LRRTM4: variants seen among roughly 807,000 people sequenced by gnomAD.
The protein encoded by LRRTM4 is leucine-rich repeat transmembrane neuronal protein 4.
A neutral mutation model predicts 47.6 loss-of-function variants in LRRTM4; 25 were observed. The observed-to-expected ratio is 0.53, with a 90% CI of 0.38 to 0.73. The LOEUF is 0.73. LRRTM4 is among the 30% of genes least tolerant of loss of function. The pLI, the probability that LRRTM4 is intolerant of heterozygous loss-of-function variation, is 0.00. For missense variants in LRRTM4, 638 were observed against 713.4 expected, an observed-to-expected ratio of 0.89 and a Z score of 1.20; for synonymous variants, 311 against 269.5, an observed-to-expected ratio of 1.15 and a Z score of -1.51.
At chr2:76,882,584 G>T (rs541861264) in intron 3 of LRRTM4, among the ~76,000 whole-genome samples, 31 of 152,018 alleles carry the variant, frequency 2.0e-4, no homozygotes, top group African/African-American at 7.5e-4. Context: ...CATGCCTGTG[G>T]TCCCAGCTAC....
rs1349906236 is a variant in LRRTM4 at position 77,480,818 on chromosome 2, GTGTGGAGAGAGAGAGAGAGAGA to G, written c.1551+37478_1551+37499del. ...TGTGTGTGTGTGTGTGTGTGTGTGT[GTGTGGAGAGAGAGAGAGAGAGA>G]GAGAGAGAGAGAGAGAGAGAGAGAG... is the stretch of plus-strand genomic sequence containing the variant. On this transcript the variant is annotated intron_variant, in intron 3 of 3. Transcript: ENST00000409884. 3.4e-3 allele frequency among the ~76,000 whole-genome samples: 390 copies of G among 114,984 alleles called. 1 individual carries two copies. The highest frequency in any genetic ancestry group is 5.1e-3 in the Non-Finnish European group (290 of 57,334). 75.4% of individuals were successfully genotyped at this position (114,984 alleles called of 152,430 possible).
chr2:76,754,949 A>C (rs371799251), intron 3 of LRRTM4, among the ~76,000 whole-genome samples: 2 of 152,166 alleles, frequency 1.3e-5, no homozygotes, highest in East Asian at 1.9e-4. Flanking sequence ...AAAAGACCCT[A>C]GATATGTAGA....
chr2:76,826,291 A>G (rs1671188746), intron 3 of LRRTM4, among the ~76,000 whole-genome samples: 1 of 151,684 alleles, frequency 6.6e-6, no homozygotes, highest in Non-Finnish European at 1.5e-5. Flanking sequence ...AGCTTAATAG[A>G]GTAGGAAAGA....
chr2:76,792,191 C>A (rs1352226659), intron 3 of LRRTM4, among the ~76,000 whole-genome samples: 1 of 151,942 alleles, frequency 6.6e-6, no homozygotes, highest in African/African-American at 2.4e-5. Flanking sequence ...TGGTACAATA[C>A]TTTACCTGTA....
intron 3 of LRRTM4, among the ~76,000 whole-genome samples, chr2:76,926,906 G>C (rs1452586362): frequency 1.3e-5 from 2 of 152,048 alleles, no homozygotes; most frequent in Admixed American, 6.6e-5. Flanking sequence ...TATCAGAAAA[G>C]GTCATGAAAA....
chr2:77,190,295 T>C (rs1407476615), intron 3 of LRRTM4, among the ~76,000 whole-genome samples: 2 of 47,214 alleles, frequency 4.2e-5, no homozygotes, highest in African/African-American at 8.5e-5. Flanking sequence ...TTTCATCTTT[T>C]TTTTTTTTTT....
At chr2:77,004,410 A>T (rs1677555969) in intron 3 of LRRTM4, among the ~76,000 whole-genome samples, 1 of 152,190 alleles carries the variant, frequency 6.6e-6, no homozygotes, top group Non-Finnish European at 1.5e-5. Context: ...GCAAGCTCCA[A>T]GCCTCAGCAG....
chr2:77,276,014 C>G lies in LRRTM4; in HGVS notation c.1551+242304G>C, dbSNP rs189229885. ...GGGAGTTTTGGAACTATGGGAAACA[C>G]ATAATCATTGAGTAGGAAAAGTGTG... On this transcript the variant is annotated intron_variant, in intron 3 of 3. Transcript: ENST00000409884. Among the ~76,000 whole-genome samples the G allele has an allele frequency of 3.2e-3, 489 of 151,998 alleles. 2 individuals are homozygous for G. The highest frequency in any genetic ancestry group is 4.8e-3 in the Non-Finnish European group (325 of 67,950).
intron 3 of LRRTM4, among the ~76,000 whole-genome samples, chr2:76,896,740 C>A (rs953855): frequency 0.28 from 41,508 of 149,266 alleles, 6,327 homozygotes; most frequent in African/African-American, 0.4. Flanking sequence ...TCAAATAAGC[C>A]AGAGTTTATT....
chr2:77,350,805 A>G (rs1671738865), intron 3 of LRRTM4, among the ~76,000 whole-genome samples: 2 of 150,994 alleles, frequency 1.3e-5, no homozygotes, highest in African/African-American at 4.9e-5. Flanking sequence ...CATATGAAAT[A>G]TTGCTCTGAC....
chr2:77,151,515 T>A (rs1331017439), intron 3 of LRRTM4, among the ~76,000 whole-genome samples: 1 of 152,154 alleles, frequency 6.6e-6, no homozygotes, highest in Non-Finnish European at 1.5e-5. Flanking sequence ...ATAGCCAAAA[T>A]GTGGAACAAC....
rs538938994 is a variant in LRRTM4 at position 76,958,793 on chromosome 2, A to G, written c.1552-209877T>C. Among the ~76,000 whole-genome samples the G allele has an allele frequency of 7.2e-5, 11 of 151,886 alleles. No individual in the cohort carries two copies. In the East Asian group the frequency reaches 1.6e-3, roughly 22 times the overall value. ...ATTACCATAAAGTGTGTACAACAAA[A>G]TTACTGTAAAATCTGCAGTATTTTT... is the stretch of plus-strand genomic sequence containing the variant. On this transcript the variant is annotated intron_variant, in intron 3 of 3. Transcript: ENST00000409884.
chr2:77,485,359 T>C (rs1573479076), intron 3 of LRRTM4, among the ~76,000 whole-genome samples: 1 of 152,148 alleles, frequency 6.6e-6, no homozygotes, highest in East Asian at 1.9e-4. Flanking sequence ...GGATCTTTAA[T>C]CTTGGTGATT....
At chr2:77,140,441 G>T (rs1234698997) in intron 3 of LRRTM4, among the ~76,000 whole-genome samples, 1 of 152,096 alleles carries the variant, frequency 6.6e-6, no homozygotes, top group African/African-American at 2.4e-5. Context: ...GCTGAAACTG[G>T]ATCCCTTCCT....
At chr2:76,780,163 A>C (rs1299778091) in intron 3 of LRRTM4, among the ~76,000 whole-genome samples, 8 of 152,178 alleles carry the variant, frequency 5.3e-5, no homozygotes, top group Non-Finnish European at 1.2e-4. Flanking sequence ...CTTTGAGGGT[A>C]ACCCGACCTT....
At chr2:77,406,610 C>G (rs76216949) in intron 3 of LRRTM4, among the ~76,000 whole-genome samples, 4,423 of 152,026 alleles carry the variant, frequency 0.029, 207 homozygotes, top group African/African-American at 0.1. Context: ...CTGACATGCT[C>G]TCTTTTAGTA....
intron 3 of LRRTM4, among the ~76,000 whole-genome samples, chr2:77,482,269 C>T (rs1046147837): frequency 6.6e-5 from 10 of 152,088 alleles, no homozygotes; most frequent in Non-Finnish European, 1.2e-4. Context: ...AAGAAGAACA[C>T]TTATTTCTCA....
At chr2:76,820,527 T>C (rs1671023856) in intron 3 of LRRTM4, among the ~76,000 whole-genome samples, 1 of 151,796 alleles carries the variant, frequency 6.6e-6, no homozygotes. Flanking sequence ...CTGAGAGCTG[T>C]ATCGCTAGAA....
intron 3 of LRRTM4, among the ~76,000 whole-genome samples, chr2:77,157,206 T>C (rs1672583676): frequency 6.6e-6 from 1 of 152,166 alleles, no homozygotes; most frequent in Non-Finnish European, 1.5e-5. Context: ...AGGTTTTGCT[T>C]GTTCACTGCT....
Sources: allele counts gnomAD v4.1 joint callset (sites outside exome capture counted in the v4.1 genomes callset), GRCh38; gene constraint gnomAD v4.1.1; transcripts MANE v1.5; gene names NCBI Gene and HGNC (gene_info 2026-07-23, HGNC 2026-07-21).